PRKCQ: variants seen among roughly 807,000 people sequenced by gnomAD.
The protein encoded by PRKCQ is protein kinase C theta, also known as protein kinase C theta type.
PRKCQ carries 41 observed loss-of-function variants against 91.2 expected under a neutral mutation model. The observed-to-expected ratio is 0.45, with a 90% CI of 0.35 to 0.58. PRKCQ has a LOEUF of 0.58. PRKCQ is among the 20% of genes least tolerant of loss of function. The pLI is 0.00. For missense variants in PRKCQ, 673 were observed against 896.5 expected (o/e 0.75, Z 3.18); for synonymous variants, 307 against 316.9 (o/e 0.97, Z 0.33).
chr10:6,547,682 T>G (rs1046636930), intron 1 of PRKCQ, among the ~76,000 whole-genome samples: 91 of 151,118 alleles, frequency 6.0e-4, no homozygotes, highest in Middle Eastern at 6.9e-3. Flanking sequence ...TAGCCATATG[T>G]AGAAAGCTGA....
intron 1 of PRKCQ, among the ~76,000 whole-genome samples, chr10:6,558,937 C>T (rs574805233): frequency 2.0e-5 from 3 of 152,206 alleles, no homozygotes; most frequent in East Asian, 3.9e-4. Context: ...CATGGTCACG[C>T]GCAGAGAGGC....
chr10:6,450,517 A>C (rs1834602234), intron 15 of PRKCQ, among the ~76,000 whole-genome samples: 1 of 152,262 alleles, frequency 6.6e-6, no homozygotes, highest in African/African-American at 2.4e-5. Context: ...CATTAGACAG[A>C]TCAATGAGAC....
intron 16 of PRKCQ, among the ~76,000 whole-genome samples, chr10:6,435,678 A>G (rs1049291832): frequency 3.9e-5 from 6 of 152,224 alleles, no homozygotes; most frequent in African/African-American, 1.4e-4. Flanking sequence ...CCTAAAATAC[A>G]CTAACACTAA....
chr10:6,422,467 G>A (rs971668436), downstream of PRKCQ, among the ~76,000 whole-genome samples: 1 of 152,040 alleles, frequency 6.6e-6, no homozygotes, highest in Non-Finnish European at 1.5e-5. Flanking sequence ...GGTGATAGAG[G>A]GACAAGCTTT....
At chr10:6,428,805 A>G (rs1436905737) in intron 17 of PRKCQ, among the ~76,000 whole-genome samples, 1 of 152,146 alleles carries the variant, frequency 6.6e-6, no homozygotes, top group Middle Eastern at 3.2e-3. Flanking sequence ...TCACAATTAC[A>G]TATTCCTGTT....
chr10:6,543,529 C>A (rs1839846497), intron 1 of PRKCQ, among the ~76,000 whole-genome samples: 1 of 152,178 alleles, frequency 6.6e-6, no homozygotes, highest in South Asian at 2.1e-4. Flanking sequence ...CATTCTAAAG[C>A]CAGCAGCAGC....
chr10:6,423,183 C>G (rs10906529), downstream of PRKCQ, among the ~76,000 whole-genome samples: 42,023 of 151,992 alleles, frequency 0.28, 6,933 homozygotes, highest in African/African-American at 0.46. Flanking sequence ...GCCCTTTCAG[C>G]CTGGTAGGAG....
At chr10:6,572,411 T>G (rs1841080449) in intron 1 of PRKCQ, among the ~76,000 whole-genome samples, 1 of 152,064 alleles carries the variant, frequency 6.6e-6, no homozygotes, top group Non-Finnish European at 1.5e-5. Context: ...CAGGCCCCAG[T>G]GTGTGTTGTT....
At chr10:6,521,630 T>C (rs1385116901) in intron 1 of PRKCQ, among the ~76,000 whole-genome samples, 1 of 152,230 alleles carries the variant, frequency 6.6e-6, no homozygotes, top group African/African-American at 2.4e-5. Context: ...CCTTCTCAAC[T>C]TCATTGGTGT....
At chr10:6,480,339 G>C (rs1194038056) in intron 11 of PRKCQ, among the ~76,000 whole-genome samples, 1 of 152,190 alleles carries the variant, frequency 6.6e-6, no homozygotes, top group Non-Finnish European at 1.5e-5. Flanking sequence ...AACTTGCTCA[G>C]ATTCTTGGAG....
chr10:6,527,546 T>C (rs760363328), intron 1 of PRKCQ, among the ~76,000 whole-genome samples: 4 of 152,300 alleles, frequency 2.6e-5, no homozygotes, highest in Admixed American at 1.3e-4. Context: ...GTGATTGATC[T>C]GATGGATACG....
chr10:6,490,689 G>A (rs1837246409), intron 8 of PRKCQ, among the ~76,000 whole-genome samples: 1 of 152,036 alleles, frequency 6.6e-6, no homozygotes, highest in African/African-American at 2.4e-5. Flanking sequence ...AGTCTGCAGT[G>A]AGCTGTGATC....
chr10:6,560,609 G>C (rs79978604), intron 1 of PRKCQ, among the ~76,000 whole-genome samples: 1,586 of 152,164 alleles, frequency 0.01, 30 homozygotes, highest in Non-Finnish European at 0.013. Flanking sequence ...TTCATTTTCA[G>C]GCCTAATGCT....
At chr10:6,518,501 G>A (rs1035123556) in intron 1 of PRKCQ, among the ~76,000 whole-genome samples, 2 of 152,028 alleles carry the variant, frequency 1.3e-5, no homozygotes, top group Admixed American at 6.5e-5. Context: ...AATTTAAGCT[G>A]TAAAAAGAAT....
chr10:6,494,425 T>C (rs1470819177), intron 7 of PRKCQ, among the ~76,000 whole-genome samples: 2 of 152,046 alleles, frequency 1.3e-5, no homozygotes, highest in Non-Finnish European at 2.9e-5. Flanking sequence ...TTCACCTTCT[T>C]CATAATATCA....
At chr10:6,455,354 T>C (rs2132305198) in intron 15 of PRKCQ, among the ~76,000 whole-genome samples, 1 of 152,326 alleles carries the variant, frequency 6.6e-6, no homozygotes, top group Admixed American at 6.5e-5. Flanking sequence ...GCTCTGTGAG[T>C]TCAACAATGC....
chr10:6,453,044 A>G (rs1485316558), intron 15 of PRKCQ, among the ~76,000 whole-genome samples: 2 of 152,016 alleles, frequency 1.3e-5, no homozygotes, highest in Non-Finnish European at 2.9e-5. Context: ...TACCAAAAGC[A>G]ATGGCAACAA....
At chr10:6,404,649 C>CT in the PRKCQ span, among the ~76,000 whole-genome samples, 6 of 132,348 alleles carry the variant, frequency 4.5e-5, no homozygotes, top group African/African-American at 1.7e-4. Flanking sequence ...CCTTTCTTTC[C>CT]TTTTTTCTCT....
chr10:6,442,904 G>A (rs1367385003), intron 15 of PRKCQ, among the ~76,000 whole-genome samples: 1 of 152,138 alleles, frequency 6.6e-6, no homozygotes, highest in Non-Finnish European at 1.5e-5. Flanking sequence ...AGTGGTTGCA[G>A]TGAGCCAAGA....
Sources: allele counts gnomAD v4.1 joint callset (sites outside exome capture counted in the v4.1 genomes callset), GRCh38; gene constraint gnomAD v4.1.1; transcripts MANE v1.5; gene names NCBI Gene and HGNC (gene_info 2026-07-23, HGNC 2026-07-21).